Variants in ZNF735 observed in about 807,000 individuals in gnomAD.
ZNF735 encodes zinc finger protein 735, also known as putative zinc finger protein 735.
ZNF735 carries 11 observed loss-of-function variants against 13.4 expected under a neutral mutation model. The ratio of observed to expected loss-of-function variants is 0.82; its 90% confidence interval spans 0.52 to 1.36. ZNF735 has a LOEUF of 1.36. ZNF735 is among the 40% of genes most tolerant of loss of function. The probability of loss-of-function intolerance (pLI) is 0.00; values close to 1 mark genes in which losing one functional copy is unlikely to be tolerated. For missense variants in ZNF735, 500 were observed against 484.6 expected (o/e 1.03, Z -0.30); for synonymous variants, 171 against 162.6 (o/e 1.05, Z -0.39).
At chr7:64,213,006 CT>C (rs1787377835) in intron 1 of ZNF735, 85 bp from the exon 2 acceptor site, 1 of 1,398,846 alleles carries the variant, frequency 7.1e-7, no homozygotes, top group South Asian at 1.3e-5. Context: ...TTTTTACTCT[CT>C]TTTTTAACTT....
At position 64,213,078 on chromosome 7, in the gene ZNF735, T is replaced by C. The variant is rs1280181325; in HGVS notation, c.40-14T>C. The C allele has an allele frequency of 4.1e-6, 4 of 981,988 alleles. No individual in the cohort carries two copies. Among genetic ancestry groups the C allele is most frequent in the Non-Finnish European group, 5.6e-6 (4 of 708,810 alleles). The allele number at this position is 981,988 out of a possible 1,614,324, so 60.8% of individuals were successfully genotyped here. On this transcript the variant is annotated splice_polypyrimidine_tract_variant and intron_variant, in intron 1 of 3. Transcript: ENST00000429565. ...TAAGTGTGTGTTCATGAGGTTTTTC[T>C]TTTTTTTTTTCAGGGACTGTTGACA... is the stretch of plus-strand genomic sequence containing the variant.
At chr7:64,209,408 G>A (rs1480110071) in intron 1 of ZNF735, among the ~76,000 whole-genome samples, 2 of 150,466 alleles carry the variant, frequency 1.3e-5, no homozygotes, top group African/African-American at 2.4e-5. Flanking sequence ...GTGCAGTGGC[G>A]TGATCTCGGC....
At chr7:64,215,520 A>C (rs758119645) in intron 3 of ZNF735, among the ~76,000 whole-genome samples, 4 of 152,124 alleles carry the variant, frequency 2.6e-5, no homozygotes, top group Non-Finnish European at 5.9e-5. Flanking sequence ...TTGATTGCAG[A>C]AATTTTGAAG....
At chr7:64,207,919 G>A (rs1360702156) in intron 1 of ZNF735, among the ~76,000 whole-genome samples, 2 of 151,942 alleles carry the variant, frequency 1.3e-5, no homozygotes, top group Admixed American at 1.3e-4. Flanking sequence ...CCCGGGAGGC[G>A]GAGGTTGCAG....
chr7:64,219,320 G>A, exon 4 of ZNF735: 2 of 1,611,922 alleles, frequency 1.2e-6, no homozygotes, highest in Non-Finnish European at 1.7e-6. Context: ...TCAGTTACAT[G>A]TTCTCATTTC....
intron 1 of ZNF735, among the ~76,000 whole-genome samples, chr7:64,208,567 TC>T (rs1355230345): frequency 5.9e-5 from 9 of 152,200 alleles, no homozygotes; most frequent in Non-Finnish European, 1.0e-4. Flanking sequence ...AAGTTTTTTT[TC>T]TTTTACCTTT....
At chr7:64,207,879 C>T (rs1787307915) in intron 1 of ZNF735, among the ~76,000 whole-genome samples, 2 of 151,812 alleles carry the variant, frequency 1.3e-5, no homozygotes, top group Admixed American at 6.6e-5. Context: ...CCCAGCTACT[C>T]GGTAGTCTGA....
chr7:64,219,870 A>C (rs1430215801), exon 4 of ZNF735: 1 of 1,613,956 alleles, frequency 6.2e-7, no homozygotes, highest in Non-Finnish European at 8.5e-7. Context: ...CATGTGAAGA[A>C]TGTGGCCAAG....
At chr7:64,217,475 T>C (rs1478017106) in intron 3 of ZNF735, among the ~76,000 whole-genome samples, 2 of 152,106 alleles carry the variant, frequency 1.3e-5, no homozygotes, top group Non-Finnish European at 2.9e-5. Context: ...TCTGTTTTTT[T>C]TAATTGATTT....
exon 4 of ZNF735, chr7:64,220,253 T>C (rs1787477030): frequency 1.2e-6 from 2 of 1,610,618 alleles, no homozygotes; most frequent in South Asian, 2.2e-5. Flanking sequence ...AAACATAAGA[T>C]AATTCACACT....
chr7:64,214,357 G>A (rs774754103), intron 3 of ZNF735, among the ~76,000 whole-genome samples: 30 of 152,004 alleles, frequency 2.0e-4, no homozygotes, highest in Non-Finnish European at 3.4e-4. Flanking sequence ...TTCACAGTGT[G>A]AGCCAAAGTT....
At chr7:64,219,928 G>A (rs867433468) in exon 4 of ZNF735, 2 of 1,613,704 alleles carry the variant, frequency 1.2e-6, no homozygotes, top group Middle Eastern at 1.7e-4. Context: ...AATTCATACT[G>A]GAGAGAGACC....
chr7:64,214,182 T>C, intron 3 of ZNF735, 74 bp downstream of exon 3: 2 of 1,489,304 alleles, frequency 1.3e-6, no homozygotes, highest in Non-Finnish European at 9.1e-7. Context: ...GTCTTTAAAA[T>C]GTGGTCTGCA....
intron 1 of ZNF735, among the ~76,000 whole-genome samples, chr7:64,212,494 G>C (rs1439388906): frequency 6.6e-6 from 1 of 152,132 alleles, no homozygotes; most frequent in Non-Finnish European, 1.5e-5. Flanking sequence ...ATATAGCACT[G>C]AAAAATAGAC....
intron 3 of ZNF735, among the ~76,000 whole-genome samples, chr7:64,215,253 T>C (rs1314181565): frequency 6.6e-6 from 1 of 152,056 alleles, no homozygotes; most frequent in Non-Finnish European, 1.5e-5. Flanking sequence ...GAGATGGGTT[T>C]CGCCATGTTG....
chr7:64,214,398 C>G (rs184431891), intron 3 of ZNF735, among the ~76,000 whole-genome samples: 1 of 152,248 alleles, frequency 6.6e-6, no homozygotes, highest in Non-Finnish European at 1.5e-5. Flanking sequence ...ACTGCACAAA[C>G]TGACTACTTT....
At chr7:64,214,144 A>T in intron 3 of ZNF735, 36 bp downstream of exon 3, 1 of 1,591,048 alleles carries the variant, frequency 6.3e-7, no homozygotes, top group Non-Finnish European at 8.5e-7. Context: ...GACACGGATG[A>T]GATGTCCACA....
At chr7:64,216,119 AC>A (rs937832276) in intron 3 of ZNF735, among the ~76,000 whole-genome samples, 1 of 151,578 alleles carries the variant, frequency 6.6e-6, no homozygotes, top group Non-Finnish European at 1.5e-5. Flanking sequence ...CAAGGTGAAA[AC>A]CCGTCTCTAC....
Position 64,219,372 on chromosome 7 carries a change from C to T in ZNF735, c.321C>T (p.Leu107=), listed in dbSNP as rs774566660. 29 of 1,613,540 alleles carry T rather than the reference C, an allele frequency of 1.8e-5. No individual in the cohort carries two copies. In the African/African-American group the frequency reaches 2.9e-4, roughly 16 times the overall value. The change falls in exon 4 of 4, where the codon CTC becomes CTT. Residue 107 remains leucine (L), a synonymous_variant. Coordinates refer to ENST00000429565, the Ensembl canonical transcript of ZNF735. Reference sequence around the variant, plus strand: ...CAGAGCAGAGCATAAAAGATTCACTCCAAAAAGTAATACCAAGAACATATG... The same window carrying T: ...CAGAGCAGAGCATAAAAGATTCACTTCAAAAAGTAATACCAAGAACATATG...
Sources: gnomAD v4.1 joint callset for allele counts (sites outside exome capture counted in the v4.1 genomes callset) on GRCh38, gnomAD v4.1.1 for gene constraint, MANE v1.5 for transcripts, NCBI Gene and HGNC (gene_info 2026-07-23, HGNC 2026-07-21) for gene names.